FRMPD3: variants seen among roughly 807,000 people sequenced by gnomAD.
The protein encoded by FRMPD3 is FERM and PDZ domain-containing protein 3.
FRMPD3 carries 42 observed loss-of-function variants against 97.9 expected under a neutral mutation model. That is an observed-to-expected ratio of 0.43 (90% confidence interval 0.34 to 0.55). FRMPD3 has a LOEUF of 0.55. Among genes scored for constraint, FRMPD3 ranks in the 20% least tolerant of loss-of-function variants. FRMPD3 has a pLI of 0.03. For synonymous variants in FRMPD3, 577 were observed against 581.1 expected (o/e 0.99, Z 0.10); for missense variants, 1,303 against 1,457.7 (o/e 0.89, Z 1.73).
At chrX:107,505,536 G>A (rs887483119) in intron 1 of FRMPD3, among the ~76,000 whole-genome samples, 2 of 112,317 alleles carry the variant, frequency 1.8e-5, no homozygotes, top group Non-Finnish European at 3.8e-5. Flanking sequence ...CTCTAGCCTG[G>A]ACAATAGAGA....
chrX:107,538,859 A>G (rs1431211120), intron 4 of FRMPD3, among the ~76,000 whole-genome samples: 1 of 112,204 alleles, frequency 8.9e-6, no homozygotes, highest in Admixed American at 9.4e-5. Flanking sequence ...ATGTTTCGCC[A>G]TGTTGGCCAG....
Position 107,540,009 on chromosome X carries a change from G to A in FRMPD3, c.298-5728G>A, listed in dbSNP as rs528197468. On this transcript the variant is annotated intron_variant, in intron 4 of 14. Transcript: ENST00000683843. Reference sequence around the variant, plus strand: ...AGGATGGGGACAGGGAGGAAACAGCGTGAGGTGGGTCCAGGAATGATAACA... The same window carrying A: ...AGGATGGGGACAGGGAGGAAACAGCATGAGGTGGGTCCAGGAATGATAACA... 4.3e-4 allele frequency among the ~76,000 whole-genome samples: 48 copies of A among 112,220 alleles called. 1 individual carries two copies. In the South Asian group the frequency reaches 0.017, roughly 41 times the overall value.
At chrX:107,594,292 A>G (rs1241934733) in intron 13 of FRMPD3, among the ~76,000 whole-genome samples, 1 of 111,892 alleles carries the variant, frequency 8.9e-6, no homozygotes, top group Non-Finnish European at 1.9e-5. Flanking sequence ...GTATATGATC[A>G]TATCATCTGT....
chrX:107,521,919 G>A (rs1365867175), intron 1 of FRMPD3, among the ~76,000 whole-genome samples: 1 of 112,691 alleles, frequency 8.9e-6, no homozygotes, highest in Non-Finnish European at 1.9e-5. Flanking sequence ...GAGAGCATCA[G>A]CTTAGAATCA....
intron 4 of FRMPD3, among the ~76,000 whole-genome samples, chrX:107,543,816 A>AG (rs1335152437): frequency 9.5e-6 from 1 of 104,982 alleles, no homozygotes; most frequent in Non-Finnish European, 2.0e-5. Flanking sequence ...ACTCCTTCTC[A>AG]GAAAAAAAAA....
chrX:107,603,344 A>C lies in FRMPD3; in HGVS notation c.5305A>C (p.Thr1769Pro). The C allele has an allele frequency of 8.8e-7, 1 of 1,140,266 alleles. No homozygotes were observed. The highest frequency in any genetic ancestry group is 1.2e-6 in the Non-Finnish European group (1 of 860,530). The allele number at this position is 1,140,266 out of a possible 1,213,427, so 94.0% of individuals were successfully genotyped here. A position where few individuals can be genotyped will look rare whatever the true frequency, so the allele number is the denominator to read the frequency against. Residue 1769 changes from threonine (T) to proline (P), a missense_variant, in exon 15 of 15, where the codon ACC becomes CCC. Around this residue, in one of 3 missense-constraint regions of FRMPD3, gnomAD observed 764 missense variants for 820.2 expected, o/e 0.93. Transcript: ENST00000683843. ...TTCGGCGACTGTTATGAGCACATTC[A>C]CCCACTCCTTAAAAACCCTTATTAA... Reference protein sequence around the residue: ...PTSATVMSTFTHSLKTLIK With the variant: ...PTSATVMSTFPHSLKTLIK
At chrX:107,546,930 T>C (rs900390692) in intron 5 of FRMPD3, among the ~76,000 whole-genome samples, 10 of 111,478 alleles carry the variant, frequency 9.0e-5, no homozygotes, top group African/African-American at 3.3e-4. Context: ...ACAGGTGTCT[T>C]CCATCTCCAT....
At chrX:107,487,100 A>T (rs1349703020) in intron 1 of FRMPD3, among the ~76,000 whole-genome samples, 2 of 108,365 alleles carry the variant, frequency 1.8e-5, no homozygotes, top group Non-Finnish European at 3.8e-5. Flanking sequence ...CAAAAAAAAA[A>T]AAAAATAACT....
chrX:107,527,380 T>G (rs1449546565), intron 2 of FRMPD3, among the ~76,000 whole-genome samples: 1 of 112,436 alleles, frequency 8.9e-6, no homozygotes, highest in Non-Finnish European at 1.9e-5. Flanking sequence ...GTAATATCAT[T>G]CCCATTTTGC....
At chrX:107,515,114 A>G (rs1222532005) in intron 1 of FRMPD3, among the ~76,000 whole-genome samples, 1 of 111,607 alleles carries the variant, frequency 9.0e-6, no homozygotes, top group Admixed American at 9.5e-5. Flanking sequence ...CTCACAGAGG[A>G]GGTGTGGTTA....
intron 10 of FRMPD3, among the ~76,000 whole-genome samples, chrX:107,561,921 T>C (rs754103006): frequency 1.1e-4 from 12 of 112,275 alleles, no homozygotes; most frequent in Non-Finnish European, 1.9e-4. Context: ...GAGGGCCTGG[T>C]CTTGGCCCCT....
chrX:107,573,325 G>C (rs746386035), intron 12 of FRMPD3, among the ~76,000 whole-genome samples: 1 of 111,416 alleles, frequency 9.0e-6, no homozygotes, highest in Admixed American at 9.5e-5. Flanking sequence ...TTGGGCCCTC[G>C]TGGTAGCCGC....
chrX:107,532,188 C>G (rs1044213092), intron 3 of FRMPD3, among the ~76,000 whole-genome samples: 4 of 112,839 alleles, frequency 3.5e-5, no homozygotes, highest in African/African-American at 1.3e-4. Context: ...TAAAGAGGAT[C>G]AGGAGTGCTG....
intron 1 of FRMPD3, among the ~76,000 whole-genome samples, chrX:107,521,950 A>G (rs1309790075): frequency 8.9e-6 from 1 of 112,465 alleles, no homozygotes; most frequent in Non-Finnish European, 1.9e-5. Context: ...TTCTCGGTTC[A>G]TTTGTCCTTT....
At chrX:107,513,648 C>A (rs1003936372) in intron 1 of FRMPD3, among the ~76,000 whole-genome samples, 5 of 112,045 alleles carry the variant, frequency 4.5e-5, no homozygotes, top group African/African-American at 1.6e-4. Context: ...TGAGGGGTTT[C>A]TCCCATGGGC....
chrX:107,522,194 C>T (rs757425100), intron 1 of FRMPD3, among the ~76,000 whole-genome samples: 9 of 111,100 alleles, frequency 8.1e-5, no homozygotes, highest in African/African-American at 1.3e-4. Flanking sequence ...CTGTGTGAAG[C>T]GGGTGAAGTT....
chrX:107,554,148 C>T (rs770216540), intron 7 of FRMPD3, among the ~76,000 whole-genome samples: 9 of 111,082 alleles, frequency 8.1e-5, no homozygotes, highest in African/African-American at 2.6e-4. Context: ...AAGGTCATGT[C>T]CTAGATAAGT....
In FRMPD3 at chrX:107,571,114, A is replaced by G. The variant is rs1468416085; in HGVS notation, c.1297-5201A>G. On this transcript the variant is annotated intron_variant, in intron 12 of 14. Transcript: ENST00000683843. Reference sequence around the variant, plus strand: ...CATTACCATACCCCATTACCACAGAAGCACATAAGGTGGAAAAAGAAATCA... The same window carrying G: ...CATTACCATACCCCATTACCACAGAGGCACATAAGGTGGAAAAAGAAATCA... Among the ~76,000 whole-genome samples, 5 of 112,063 alleles carry G rather than the reference A, an allele frequency of 4.5e-5. No individual in the cohort carries two copies. The Admixed American group carries it at 4.7e-4, about 11-fold the overall frequency.
At chrX:107,474,089 C>T (rs1439933004) in intron 1 of FRMPD3, among the ~76,000 whole-genome samples, 4 of 111,711 alleles carry the variant, frequency 3.6e-5, no homozygotes. Flanking sequence ...TTTCTCAAAA[C>T]GAAACAAAAC....
Sources: gnomAD v4.1 joint callset for allele counts (sites outside exome capture counted in the v4.1 genomes callset) on GRCh38, gnomAD v4.1.1 for gene constraint, gnomAD v4.1.1 regional missense constraint, MANE v1.5 for transcripts, NCBI Gene and HGNC (gene_info 2026-07-23, HGNC 2026-07-21) for gene names.